CTDSPL2: variants seen among roughly 807,000 people sequenced by gnomAD.
The protein encoded by CTDSPL2 is CTD small phosphatase like 2.
Under a neutral mutation model 60.0 loss-of-function variants are expected in CTDSPL2, and 5 were observed. The observed-to-expected ratio is 0.08, with a 90% CI of 0.04 to 0.18. The LOEUF (loss-of-function observed/expected upper bound fraction) is 0.18, where lower values mean the gene tolerates loss of function less well. Ranked by LOEUF, CTDSPL2 falls within the 10% of genes least tolerant of loss-of-function variation. The pLI is 1.00. For synonymous variants in CTDSPL2, 186 were observed against 189.3 expected (o/e 0.98, Z 0.14); for missense variants, 370 against 548.8 (o/e 0.67, Z 3.26).
chr15:44,507,336 G>A (rs545616031), intron 8 of CTDSPL2, among the ~76,000 whole-genome samples: 3 of 152,244 alleles, frequency 2.0e-5, no homozygotes, highest in East Asian at 1.9e-4. Context: ...TGCCCACCTC[G>A]GCCTCCCAAA....
chr15:44,489,216 T>C (rs1261888479), intron 4 of CTDSPL2, among the ~76,000 whole-genome samples: 2 of 147,184 alleles, frequency 1.4e-5, no homozygotes, highest in Non-Finnish European at 3.0e-5. Flanking sequence ...ATGACCAGTC[T>C]TTGTAATTGT....
At chr15:44,496,976 T>C in intron 6 of CTDSPL2, 51 bp from the exon 7 acceptor site, 3 of 1,041,786 alleles carry the variant, frequency 2.9e-6, no homozygotes, top group Non-Finnish European at 4.4e-6. Context: ...AGTAATGTTC[T>C]ATATGTATAA....
chr15:44,518,108 C>A (rs1340081075), intron 10 of CTDSPL2, among the ~76,000 whole-genome samples: 1 of 152,058 alleles, frequency 6.6e-6, no homozygotes, highest in Non-Finnish European at 1.5e-5. Flanking sequence ...TTCTTGGTAG[C>A]ACTGTGACAG....
Position 44,505,233 on chromosome 15 carries a change from A to C in CTDSPL2, c.969+5420A>C, listed in dbSNP as rs140662196. 8.3e-3 allele frequency among the ~76,000 whole-genome samples: 1,260 copies of C among 152,040 alleles called. 5 individuals carry two copies. The highest frequency in any genetic ancestry group is 0.037 in the Middle Eastern group (11 of 294). ...GATGGCTTGAGCTCAGGAGTTCAAG[A>C]CCAGCCTGGGCAATGTAGTGAGACC... On this transcript the variant is annotated intron_variant, in intron 8 of 12. Transcript: ENST00000260327.
chr15:44,509,212 A>AT (rs1567100541), intron 8 of CTDSPL2, among the ~76,000 whole-genome samples: 1 of 150,516 alleles, frequency 6.6e-6, no homozygotes, highest in African/African-American at 2.4e-5. Context: ...TTATTTTTTA[A>AT]TTTTTTTGAG....
chr15:44,522,152 G>C (rs1405446558), intron 12 of CTDSPL2, among the ~76,000 whole-genome samples: 1 of 151,982 alleles, frequency 6.6e-6, no homozygotes, highest in East Asian at 1.9e-4. Flanking sequence ...TCCTGCCTCA[G>C]CCTCTTGGGT....
intron 2 of CTDSPL2, among the ~76,000 whole-genome samples, chr15:44,466,776 C>CA (rs36050498): frequency 0.35 from 49,742 of 143,212 alleles, 9,967 homozygotes; most frequent in Admixed American, 0.47. Context: ...ACTAAAAATA[C>CA]AAAAAAAAAA....
At chr15:44,481,817 C>T (rs550283989) in intron 2 of CTDSPL2, among the ~76,000 whole-genome samples, 2 of 152,304 alleles carry the variant, frequency 1.3e-5, no homozygotes, top group Non-Finnish European at 2.9e-5. Flanking sequence ...AGGTGATCCG[C>T]CTGCCTCGGC....
At chr15:44,470,490 C>A (rs1358248761) in intron 2 of CTDSPL2, 1 of 151,938 alleles carries the variant, frequency 6.6e-6, no homozygotes, top group Non-Finnish European at 1.5e-5. Flanking sequence ...CTCTGTCACC[C>A]TGGCTGGAGT....
intron 1 of CTDSPL2, among the ~76,000 whole-genome samples, chr15:44,455,535 C>T (rs1488939049): frequency 2.0e-5 from 3 of 152,088 alleles, no homozygotes; most frequent in East Asian, 3.9e-4. Context: ...TTTGCCCATT[C>T]AGTATGATAT....
At chr15:44,449,298 A>T (rs554150285) in intron 1 of CTDSPL2, 19 of 194,880 alleles carry the variant, frequency 9.7e-5, no homozygotes, top group Admixed American at 2.2e-4. Context: ...AGCTTTTTTT[A>T]TGTTTTCTTC....
intron 8 of CTDSPL2, among the ~76,000 whole-genome samples, chr15:44,508,944 C>A (rs982931117): frequency 3.3e-5 from 5 of 151,958 alleles, no homozygotes; most frequent in Admixed American, 6.6e-5. Context: ...AAGTTATGGT[C>A]ATATTATCTG....
intron 4 of CTDSPL2, 150 bp from the exon 5 acceptor site, chr15:44,490,634 C>T (rs2081197653): frequency 6.3e-6 from 4 of 631,534 alleles, no homozygotes; most frequent in Non-Finnish European, 1.1e-5. Context: ...TTTGAAATAG[C>T]TAGCAAAGAT....
At chr15:44,482,274 T>G (rs1293273012) in intron 2 of CTDSPL2, among the ~76,000 whole-genome samples, 2 of 152,166 alleles carry the variant, frequency 1.3e-5, no homozygotes, top group East Asian at 3.9e-4. Context: ...TAGCTGAGAT[T>G]ACAGGCATGT....
At chr15:44,513,441 T>G (rs2081599538) in intron 8 of CTDSPL2, among the ~76,000 whole-genome samples, 1 of 152,218 alleles carries the variant, frequency 6.6e-6, no homozygotes, top group Non-Finnish European at 1.5e-5. Flanking sequence ...CACTCCAGCC[T>G]GGGCCGTAAG....
At chr15:44,459,756 A>G (rs536321249) in intron 2 of CTDSPL2, among the ~76,000 whole-genome samples, 1 of 152,156 alleles carries the variant, frequency 6.6e-6, no homozygotes, top group Non-Finnish European at 1.5e-5. Flanking sequence ...TTGTTCTTTT[A>G]CTTGAGTTGT....
At chr15:44,450,463 G>T (rs2080310981) in intron 1 of CTDSPL2, among the ~76,000 whole-genome samples, 1 of 151,894 alleles carries the variant, frequency 6.6e-6, no homozygotes. Context: ...AATTTATGTG[G>T]TTATTTCATT....
At chr15:44,469,380 C>T (rs2080759970) in intron 2 of CTDSPL2, among the ~76,000 whole-genome samples, 1 of 152,100 alleles carries the variant, frequency 6.6e-6, no homozygotes, top group African/African-American at 2.4e-5. Flanking sequence ...TGAATTTTGC[C>T]TATGGCTGTA....
chr15:44,474,043 G>A (rs1456123660), intron 2 of CTDSPL2, among the ~76,000 whole-genome samples: 1 of 152,078 alleles, frequency 6.6e-6, no homozygotes, highest in Admixed American at 6.5e-5. Flanking sequence ...GCCCAGGCTG[G>A]TCTCCAACTT....
Sources: allele counts gnomAD v4.1 joint callset (sites outside exome capture counted in the v4.1 genomes callset), GRCh38; gene constraint gnomAD v4.1.1; transcripts MANE v1.5; gene names NCBI Gene and HGNC (gene_info 2026-07-23, HGNC 2026-07-21).